SPTBN1: variants seen among roughly 807,000 people sequenced by gnomAD.
SPTBN1 encodes the protein spectrin beta, non-erythrocytic 1.
A neutral mutation model predicts 266.4 loss-of-function variants in SPTBN1; 32 were observed. The ratio of observed to expected loss-of-function variants is 0.12; its 90% confidence interval spans 0.09 to 0.16. The LOEUF is 0.16. Among genes scored for constraint, SPTBN1 ranks in the 10% least tolerant of loss-of-function variants. The probability of loss-of-function intolerance (pLI) is 1.00; values close to 1 mark genes in which losing one functional copy is unlikely to be tolerated. For synonymous variants in SPTBN1, 1,336 were observed against 1,162.2 expected, an observed-to-expected ratio of 1.15 and a Z score of -3.04; for missense variants, 2,296 against 3,067.1, an observed-to-expected ratio of 0.75 and a Z score of 5.94.
intron 2 of SPTBN1, among the ~76,000 whole-genome samples, chr2:54,567,191 G>C (rs1309898164): frequency 1.3e-5 from 2 of 152,194 alleles, no homozygotes; most frequent in African/African-American, 4.8e-5. Flanking sequence ...GGGAATCTGT[G>C]CAGGTTCAGG....
intron 1 of SPTBN1, among the ~76,000 whole-genome samples, chr2:54,499,924 A>G (rs1669161635): frequency 6.6e-6 from 1 of 152,242 alleles, no homozygotes; most frequent in Non-Finnish European, 1.5e-5. Context: ...TATGCTGGGT[A>G]CTTTCCAATG....
Position 54,657,878 on chromosome 2 carries a change from C to T in SPTBN1, c.6075C>T (p.Asp2025=), listed in dbSNP as rs144327595. The T allele has an allele frequency of 3.1e-5, 50 of 1,614,216 alleles. No homozygotes were observed. The African/African-American group carries it at 4.8e-4, about 15-fold the overall frequency. The change falls in exon 30 of 36, where the codon GAC becomes GAT. Residue 2025 remains aspartate, a synonymous_variant. Transcript: ENST00000356805. Reference sequence around the variant, plus strand: ...TGGAGGTCCATCAGTTCTCAAGAGACGCCAGTGTGGCCGAGGCCTGGCTGC... The same window carrying T: ...TGGAGGTCCATCAGTTCTCAAGAGATGCCAGTGTGGCCGAGGCCTGGCTGC... ...LILEVHQFSR[D]ASVAEAWLLG...
chr2:54,484,663 C>G (rs1668262767), intron 1 of SPTBN1, among the ~76,000 whole-genome samples: 1 of 152,062 alleles, frequency 6.6e-6, no homozygotes, highest in African/African-American at 2.4e-5. Flanking sequence ...ATGTTTGAGG[C>G]CTTTTATAGG....
intron 2 of SPTBN1, chr2:54,559,002 G>A: frequency 8.2e-7 from 1 of 1,223,136 alleles, no homozygotes. Context: ...CAGACCCTGT[G>A]GTTGGCTGCG....
At chr2:54,651,838 T>C (rs1572757354) in intron 26 of SPTBN1, among the ~76,000 whole-genome samples, 1 of 152,232 alleles carries the variant, frequency 6.6e-6, no homozygotes, top group Admixed American at 6.5e-5. Flanking sequence ...AAAAATCCTT[T>C]AGGATATGGA....
chr2:54,638,974 T>C (rs1419271790), intron 18 of SPTBN1, among the ~76,000 whole-genome samples: 2 of 152,226 alleles, frequency 1.3e-5, no homozygotes, highest in Non-Finnish European at 2.9e-5. Context: ...TGTAATATGC[T>C]CTTGCAGCAA....
chr2:54,499,757 G>A (rs1669151505), intron 1 of SPTBN1, among the ~76,000 whole-genome samples: 1 of 152,196 alleles, frequency 6.6e-6, no homozygotes. Context: ...ACATGATTAT[G>A]AAGCCCCTGT....
chr2:54,494,919 A>ATTT, intron 1 of SPTBN1, among the ~76,000 whole-genome samples: 1 of 34,204 alleles, frequency 2.9e-5, no homozygotes, highest in African/African-American at 1.3e-4. Flanking sequence ...TTTTTTTTTA[A>ATTT]AAAAAAAAAA....
At chr2:54,600,714 A>ATTT (rs374090607) in intron 3 of SPTBN1, among the ~76,000 whole-genome samples, 8 of 126,930 alleles carry the variant, frequency 6.3e-5, no homozygotes, top group Non-Finnish European at 1.0e-4. Context: ...TTATTTATTG[A>ATTT]TTTTTTTTTT....
chr2:54,458,680 A>C (rs1693198685), intron 1 of SPTBN1, among the ~76,000 whole-genome samples: 1 of 152,228 alleles, frequency 6.6e-6, no homozygotes, highest in South Asian at 2.1e-4. Context: ...GCCAGGACAC[A>C]GGGAATTTCC....
chr2:54,567,598 C>T (rs1673751332), intron 2 of SPTBN1, among the ~76,000 whole-genome samples: 1 of 152,114 alleles, frequency 6.6e-6, no homozygotes, highest in Non-Finnish European at 1.5e-5. Context: ...TCACGGATTG[C>T]AAGTGCAATT....
rs752930570 is a variant in SPTBN1, at chr2:54,649,102, G to A, written c.5114G>A (p.Arg1705Gln). The A allele has an allele frequency of 6.2e-7, 1 of 1,614,142 alleles. No homozygotes were observed. Among genetic ancestry groups the A allele is most frequent in the Admixed American group, 1.7e-5 (1 of 60,020 alleles). Reference protein sequence around the residue: ...DERHRLFQLNREVDDLEQWIA... With the variant: ...DERHRLFQLNQEVDDLEQWIA... ...AGACACAGGTTATTCCAGCTCAACC[G>A]GGAGGTGGACGACCTGGAGCAGTGG... The change falls in exon 25 of 36, where the codon CGG becomes CAG. Residue 1705 changes from arginine to glutamine, a missense_variant. This residue lies in a region of SPTBN1 where 644 missense variants were observed against 745.3 expected (regional missense o/e 0.86). Coordinates refer to ENST00000356805, the MANE Select transcript of SPTBN1 (RefSeq NM_003128.3). The surrounding 1 kb of genome is among the most constrained non-coding windows in gnomAD (Gnocchi z 6.7).
intron 2 of SPTBN1, among the ~76,000 whole-genome samples, chr2:54,592,340 A>G (rs991024368): frequency 6.6e-6 from 1 of 151,878 alleles, no homozygotes; most frequent in Admixed American, 6.6e-5. Context: ...CCATTAAGCA[A>G]ATGTGTTTCT....
intron 6 of SPTBN1, 96 bp downstream of exon 6, chr2:54,617,784 C>A: frequency 8.2e-7 from 1 of 1,219,618 alleles, no homozygotes; most frequent in Non-Finnish European, 1.2e-6. Context: ...GTTGGCTTAA[C>A]TGTCTCACCG....
At chr2:54,465,165 C>T (rs564538034) in intron 1 of SPTBN1, among the ~76,000 whole-genome samples, 2 of 152,150 alleles carry the variant, frequency 1.3e-5, no homozygotes, top group African/African-American at 4.8e-5. Flanking sequence ...AGCAATGATA[C>T]AGTGTGTAAG....
At chr2:54,573,613 G>A (rs78604024) in intron 2 of SPTBN1, among the ~76,000 whole-genome samples, 306 of 152,294 alleles carry the variant, frequency 2.0e-3, no homozygotes, top group African/African-American at 7.1e-3. Context: ...CTCCCTCAGC[G>A]GGAATTCACA....
At chr2:54,513,455 G>A (rs1004229849) in intron 1 of SPTBN1, among the ~76,000 whole-genome samples, 6 of 152,136 alleles carry the variant, frequency 3.9e-5, no homozygotes, top group Non-Finnish European at 8.8e-5. Context: ...CTCCTGTGTT[G>A]TTCAGGCACA....
chr2:54,547,667 C>T (rs761301380), intron 2 of SPTBN1, among the ~76,000 whole-genome samples: 2 of 152,070 alleles, frequency 1.3e-5, no homozygotes, highest in South Asian at 2.1e-4. Context: ...AAGGCACCAA[C>T]GTGGTCTCAA....
At chr2:54,489,658 C>A (rs1278109447) in intron 1 of SPTBN1, among the ~76,000 whole-genome samples, 3 of 152,118 alleles carry the variant, frequency 2.0e-5, no homozygotes, top group African/African-American at 7.2e-5. Flanking sequence ...GAGATCGTGC[C>A]ACTGCACTCC....
Sources: gnomAD v4.1 joint callset for allele counts (sites outside exome capture counted in the v4.1 genomes callset) on GRCh38, gnomAD v4.1.1 for gene constraint, gnomAD v4.1.1 regional missense constraint, Gnocchi (gnomAD v3.1) non-coding constraint, MANE v1.5 for transcripts, NCBI Gene and HGNC (gene_info 2026-07-23, HGNC 2026-07-21) for gene names.